The following SH3BGR variants were observed in gnomAD, a reference collection of about 807,000 sequenced individuals.
SH3BGR encodes the protein SH3 domain-binding glutamic acid-rich protein.
Under a neutral mutation model 24.5 loss-of-function variants are expected in SH3BGR, and 29 were observed. That is an observed-to-expected ratio of 1.18 (90% CI 0.88 to 1.61). The LOEUF (loss-of-function observed/expected upper bound fraction) is 1.61. Among genes scored for constraint, SH3BGR ranks in the 40% most tolerant of loss-of-function variants. The pLI, the probability that SH3BGR is intolerant of heterozygous loss-of-function variation, is 0.00. For synonymous variants in SH3BGR, 55 were observed against 65.7 expected (o/e 0.84, Z 0.79); for missense variants, 162 against 205.8 (o/e 0.79, Z 1.30).
chr21:39,494,592 C>T (rs2078362465), intron 3 of SH3BGR, among the ~76,000 whole-genome samples: 1 of 151,722 alleles, frequency 6.6e-6, no homozygotes, highest in African/African-American at 2.4e-5. Context: ...ATCTTGTTTC[C>T]TGTAGATAGT....
At chr21:39,483,712 C>G (rs2078166309) in intron 3 of SH3BGR, among the ~76,000 whole-genome samples, 1 of 152,158 alleles carries the variant, frequency 6.6e-6, no homozygotes, top group Admixed American at 6.5e-5. Flanking sequence ...TATTTGCGTA[C>G]ATGCTGGGCC....
chr21:39,509,922 T>TC (rs1325916697), intron 5 of SH3BGR, among the ~76,000 whole-genome samples: 1 of 150,914 alleles, frequency 6.6e-6, no homozygotes. Flanking sequence ...TCAAAAGAAA[T>TC]CCCCCCAAAG....
chr21:39,511,595 C>G lies in SH3BGR; in HGVS notation c.436-85C>G. The stretch of plus-strand genomic sequence containing the variant: ...GGTGGGGTGTGGGAGGCTTTGACCT[C>G]TAGTCCAGCATTTTACAGTCTTTTT... On this transcript the variant is annotated intron_variant, in intron 5 of 6. Transcript: ENST00000333634. The surrounding 1 kb of genome is among the most constrained non-coding windows in gnomAD (Gnocchi z 4.2). 1.4e-6 allele frequency: 2 copies of G among 1,411,068 alleles called. No homozygotes were observed. Among genetic ancestry groups the G allele is most frequent in the South Asian group, 1.3e-5 (1 of 76,276 alleles). The allele number at this position is 1,411,068 out of a possible 1,614,324, so 87.4% of individuals were successfully genotyped here.
intron 1 of SH3BGR, among the ~76,000 whole-genome samples, chr21:39,454,807 T>C (rs1165697240): frequency 6.6e-6 from 1 of 152,246 alleles, no homozygotes; most frequent in African/African-American, 2.4e-5. Flanking sequence ...GCCATCCAAA[T>C]ACCTACCTAG....
intron 4 of SH3BGR, among the ~76,000 whole-genome samples, chr21:39,501,896 G>A (rs1047572972): frequency 1.3e-5 from 2 of 152,210 alleles, no homozygotes; most frequent in South Asian, 2.1e-4. Flanking sequence ...AGATGGGGCC[G>A]GGCGCATGGC....
intron 2 of SH3BGR, among the ~76,000 whole-genome samples, chr21:39,474,406 A>G (rs922037352): frequency 5.9e-5 from 9 of 152,210 alleles, no homozygotes; most frequent in African/African-American, 1.9e-4. Flanking sequence ...CAAGGCCCTG[A>G]TGATGAAGAT....
intron 3 of SH3BGR, chr21:39,488,606 A>C: frequency 3.7e-6 from 1 of 272,608 alleles, no homozygotes; most frequent in Non-Finnish European, 7.4e-6. Flanking sequence ...TCCGAGTCCA[A>C]GGATTATATG....
chr21:39,510,384 A>T (rs981902804), intron 5 of SH3BGR, among the ~76,000 whole-genome samples: 15 of 134,826 alleles, frequency 1.1e-4, no homozygotes, highest in African/African-American at 4.3e-4. Flanking sequence ...ACACACACAC[A>T]CACACACTGT....
At chr21:39,456,568 C>T (rs1602067136) in intron 1 of SH3BGR, among the ~76,000 whole-genome samples, 3 of 151,986 alleles carry the variant, frequency 2.0e-5, no homozygotes, top group South Asian at 4.1e-4. Context: ...TAGCAGTTTC[C>T]GTGTGGGGTA....
chr21:39,509,694 T>G (rs1332467419), intron 5 of SH3BGR, among the ~76,000 whole-genome samples: 1 of 151,794 alleles, frequency 6.6e-6, no homozygotes, highest in African/African-American at 2.4e-5. Flanking sequence ...AGGCTGGTCT[T>G]GAACTCCTGA....
intron 2 of SH3BGR, among the ~76,000 whole-genome samples, chr21:39,470,364 T>A (rs1177793268): frequency 6.6e-6 from 1 of 152,062 alleles, no homozygotes; most frequent in Non-Finnish European, 1.5e-5. Context: ...GTTCAAGCAA[T>A]TCTCCTGCCT....
chr21:39,503,601 C>A (rs926653704), intron 4 of SH3BGR, among the ~76,000 whole-genome samples: 2 of 152,186 alleles, frequency 1.3e-5, no homozygotes, highest in Non-Finnish European at 2.9e-5. Flanking sequence ...ACTCAATGCA[C>A]ACTTGTAGGC....
chr21:39,492,671 T>C (rs2078325370), intron 3 of SH3BGR, among the ~76,000 whole-genome samples: 1 of 152,200 alleles, frequency 6.6e-6, no homozygotes, highest in Non-Finnish European at 1.5e-5. Flanking sequence ...ATGGTAGTTC[T>C]ACTTTTAGTT....
At chr21:39,447,416 CTTTTTTTTTTT>C (rs910615975), upstream of SH3BGR, among the ~76,000 whole-genome samples, 106 of 114,706 alleles carry the variant, frequency 9.2e-4, no homozygotes, top group African/African-American at 3.6e-3. Context: ...TTCGCTTTTG[CTTTTTTTTTTT>C]TTTTTTTTTG....
upstream of SH3BGR, among the ~76,000 whole-genome samples, chr21:39,449,102 C>A (rs2077544737): frequency 6.6e-6 from 1 of 152,142 alleles, no homozygotes; most frequent in African/African-American, 2.4e-5. Flanking sequence ...AGAACTCCAC[C>A]CCAAGGTGAA....
chr21:39,487,739 T>G (rs1202505575), intron 3 of SH3BGR, among the ~76,000 whole-genome samples: 1 of 152,236 alleles, frequency 6.6e-6, no homozygotes, highest in Non-Finnish European at 1.5e-5. Flanking sequence ...CAAAAGTGAC[T>G]TGTGATGAAA....
chr21:39,476,874 T>G (rs2078036459), intron 3 of SH3BGR, among the ~76,000 whole-genome samples: 2 of 152,084 alleles, frequency 1.3e-5, no homozygotes, highest in African/African-American at 4.8e-5. Context: ...TGAAATGACT[T>G]TTTTTTAACC....
chr21:39,451,953 C>T (rs757122536), upstream of SH3BGR: 11 of 1,614,136 alleles, frequency 6.8e-6, no homozygotes, highest in Non-Finnish European at 8.5e-6. Context: ...TAAGTTGGAG[C>T]GGGACTGCCG....
At chr21:39,501,829 G>A (rs534806151) in intron 4 of SH3BGR, among the ~76,000 whole-genome samples, 1 of 152,330 alleles carries the variant, frequency 6.6e-6, no homozygotes, top group South Asian at 2.1e-4. Context: ...CTTGCATTTT[G>A]TGCTTCAAGA....
Sources: allele counts gnomAD v4.1 joint callset (sites outside exome capture counted in the v4.1 genomes callset), GRCh38; gene constraint gnomAD v4.1.1; non-coding constraint Gnocchi (gnomAD v3.1); transcripts MANE v1.5; gene names NCBI Gene and HGNC (gene_info 2026-07-23, HGNC 2026-07-21).